HS3ST5: variants seen among roughly 807,000 people sequenced by gnomAD.
HS3ST5 encodes heparan sulfate glucosamine 3-O-sulfotransferase 5.
Under a neutral mutation model 25.4 loss-of-function variants are expected in HS3ST5, and 10 were observed. The ratio of observed to expected loss-of-function variants is 0.39; its 90% CI spans 0.24 to 0.67. The LOEUF (loss-of-function observed/expected upper bound fraction) is 0.67, where lower values mean the gene tolerates loss of function less well. Among genes scored for constraint, HS3ST5 ranks in the 30% least tolerant of loss-of-function variants. The probability of loss-of-function intolerance (pLI) is 0.44; values close to 1 mark genes in which losing one functional copy is unlikely to be tolerated. For missense variants in HS3ST5, 324 were observed against 420.7 expected (o/e 0.77, Z 2.01); for synonymous variants, 170 against 162.4 (o/e 1.05, Z -0.36).
At position 114,124,460 on chromosome 6, in the gene HS3ST5, C is replaced by A. The variant is rs571710237; in HGVS notation, c.-33+43891G>T. On this transcript the variant is annotated intron_variant, in intron 3 of 4. Coordinates refer to ENST00000312719, the MANE Select transcript of HS3ST5 (RefSeq NM_153612.4). ...ACCACACCCATTCCCTGGCGCCCAA[C>A]CACATATGTGACTAAAATAATACGT... Among the ~76,000 whole-genome samples, 8 of 152,316 alleles carry A rather than the reference C, an allele frequency of 5.3e-5. No individual in the cohort carries two copies. In the South Asian group the frequency reaches 1.7e-3, roughly 32 times the overall value.
chr6:114,278,154 G>C (rs937187479), intron 1 of HS3ST5, among the ~76,000 whole-genome samples: 3 of 151,866 alleles, frequency 2.0e-5, no homozygotes, highest in South Asian at 4.1e-4. Context: ...CAAAGGAGCA[G>C]GTTTACATGT....
intron 2 of HS3ST5, among the ~76,000 whole-genome samples, chr6:114,205,331 G>A (rs921680633): frequency 5.9e-5 from 9 of 152,054 alleles, no homozygotes; most frequent in Admixed American, 6.6e-5. Context: ...ACACTACACT[G>A]TACTTACAAT....
rs553838563 is a variant in HS3ST5, at chr6:114,056,609, T to C, written c.*648A>G. 1 of 152,364 alleles carries C rather than the reference T, an allele frequency of 6.6e-6. No individual in the cohort carries two copies. The highest frequency in any genetic ancestry group is 2.4e-5 in the African/African-American group (1 of 41,578). The allele number at this position is 152,364 out of a possible 1,614,324, so 9.4% of individuals were successfully genotyped here. A position where few individuals can be genotyped will look rare whatever the true frequency, so the allele number is the denominator to read the frequency against. On this transcript the variant is annotated 3_prime_UTR_variant, in exon 5 of 5. Transcript: ENST00000312719. ...ATATACATTATGTACATGACATTTCTCTCTGTTGACATACAACATGGAAGT... is the reference window on the plus strand; with the variant it reads ...ATATACATTATGTACATGACATTTCCCTCTGTTGACATACAACATGGAAGT...
Position 114,130,247 on chromosome 6 carries a change from GCA to G in HS3ST5, c.-33+38102_-33+38103del, listed in dbSNP as rs556487606. On this transcript the variant is annotated intron_variant, in intron 3 of 4. Transcript: ENST00000312719. ...ATGTGACCAGCACCTCCCTTATCAAGCACCACATATATAGCACATTTTCATCA... is the reference window on the plus strand; with the variant it reads ...ATGTGACCAGCACCTCCCTTATCAAGCCACATATATAGCACATTTTCATCA... 3.6e-3 allele frequency among the ~76,000 whole-genome samples: 543 copies of G among 152,242 alleles called. 2 individuals carry two copies. Among genetic ancestry groups the G allele is most frequent in the Non-Finnish European group, 6.6e-3 (449 of 68,020 alleles).
At chr6:114,226,555 T>G (rs1771299893) in intron 2 of HS3ST5, among the ~76,000 whole-genome samples, 1 of 151,854 alleles carries the variant, frequency 6.6e-6, no homozygotes. Flanking sequence ...TATGAGAAAC[T>G]TTTATATGAA....
chr6:114,230,248 T>C (rs2114531056), intron 1 of HS3ST5: 1 of 151,114 alleles, frequency 6.6e-6, no homozygotes, highest in South Asian at 2.1e-4. Context: ...GCGCAGGGCT[T>C]GGTTTGGAAG....
At chr6:114,285,497 A>G (rs144932583) in intron 1 of HS3ST5, among the ~76,000 whole-genome samples, 1 of 152,212 alleles carries the variant, frequency 6.6e-6, no homozygotes, top group African/African-American at 2.4e-5. Flanking sequence ...GCAGCCTTAA[A>G]AATGAAGAAA....
At chr6:114,256,202 C>T (rs1371350358) in intron 1 of HS3ST5, among the ~76,000 whole-genome samples, 4 of 152,080 alleles carry the variant, frequency 2.6e-5, no homozygotes, top group African/African-American at 4.8e-5. Flanking sequence ...TCTTGGCTAA[C>T]ACAGTGAAAC....
At chr6:114,095,988 G>C (rs913973746) in intron 3 of HS3ST5, among the ~76,000 whole-genome samples, 31 of 152,036 alleles carry the variant, frequency 2.0e-4, no homozygotes, top group African/African-American at 7.5e-4. Context: ...CCATATTCCT[G>C]TTGAAGTTAT....
At chr6:114,095,376 T>C (rs1775367023) in intron 3 of HS3ST5, among the ~76,000 whole-genome samples, 1 of 152,166 alleles carries the variant, frequency 6.6e-6, no homozygotes, top group South Asian at 2.1e-4. Context: ...CTTTGCTTCA[T>C]ACCCGTCAAA....
intron 3 of HS3ST5, among the ~76,000 whole-genome samples, chr6:114,102,378 C>G (rs1775779216): frequency 6.6e-6 from 1 of 152,120 alleles, no homozygotes; most frequent in African/African-American, 2.4e-5. Context: ...GAAATGGGAG[C>G]TGATTTGTGG....
intron 3 of HS3ST5, among the ~76,000 whole-genome samples, chr6:114,135,815 C>T (rs1285176597): frequency 6.6e-6 from 1 of 152,204 alleles, no homozygotes; most frequent in Non-Finnish European, 1.5e-5. Flanking sequence ...GACTCACTCA[C>T]CTCCTTCAGG....
chr6:114,205,098 C>T (rs1378860277), intron 2 of HS3ST5, among the ~76,000 whole-genome samples: 1 of 152,056 alleles, frequency 6.6e-6, no homozygotes, highest in Admixed American at 6.6e-5. Context: ...AACTAGGTTT[C>T]CAACAATTTA....
At chr6:114,088,736 A>G (rs1774975255) in intron 3 of HS3ST5, among the ~76,000 whole-genome samples, 1 of 152,294 alleles carries the variant, frequency 6.6e-6, no homozygotes, top group Non-Finnish European at 1.5e-5. Context: ...ATATGTGTGT[A>G]TATATATACA....
intron 3 of HS3ST5, among the ~76,000 whole-genome samples, chr6:114,091,565 TC>T (rs1188969611): frequency 1.9e-4 from 29 of 151,372 alleles, no homozygotes; most frequent in Non-Finnish European, 4.1e-4. Context: ...GCACCTGTAG[TC>T]CCAGCTACTC....
chr6:114,106,178 A>C (rs1167358209), intron 3 of HS3ST5, among the ~76,000 whole-genome samples: 4 of 152,194 alleles, frequency 2.6e-5, no homozygotes, highest in South Asian at 4.2e-4. Flanking sequence ...CAAGATAATG[A>C]GATTCCCAGA....
chr6:114,085,290 G>A (rs1774735220), intron 3 of HS3ST5, among the ~76,000 whole-genome samples: 1 of 151,920 alleles, frequency 6.6e-6, no homozygotes, highest in South Asian at 2.1e-4. Flanking sequence ...GAGTTCTTTC[G>A]AAGAAGTTAT....
chr6:114,091,782 G>T (rs994962743), intron 3 of HS3ST5, among the ~76,000 whole-genome samples: 2 of 152,118 alleles, frequency 1.3e-5, no homozygotes, highest in Admixed American at 1.3e-4. Context: ...ATCTTTGCAT[G>T]TTTCCTGAAT....
intron 1 of HS3ST5, among the ~76,000 whole-genome samples, chr6:114,338,071 T>G (rs1367215644): frequency 6.6e-6 from 1 of 152,078 alleles, no homozygotes; most frequent in East Asian, 1.9e-4. Context: ...TAAAATTTAT[T>G]GCAAGTGTTT....
Sources: gnomAD v4.1 joint callset for allele counts (sites outside exome capture counted in the v4.1 genomes callset) on GRCh38, gnomAD v4.1.1 for gene constraint, MANE v1.5 for transcripts, NCBI Gene and HGNC (gene_info 2026-07-23, HGNC 2026-07-21) for gene names.